KIF26B: variants seen among roughly 807,000 people sequenced by gnomAD.
The protein encoded by KIF26B is kinesin-like protein KIF26B.
In KIF26B, 63 loss-of-function variants were observed where a neutral mutation model predicts 151.2. The observed-to-expected ratio is 0.42, with a 90% CI of 0.34 to 0.51. KIF26B has a LOEUF of 0.51. KIF26B is among the 20% of genes least tolerant of loss of function. KIF26B has a pLI of 0.07. For missense variants in KIF26B, 2,813 were observed against 2,913.6 expected, an observed-to-expected ratio of 0.97 and a Z score of 0.79; for synonymous variants, 1,357 against 1,262.1, an observed-to-expected ratio of 1.08 and a Z score of -1.59.
At chr1:245,522,516 A>T (rs1661150909) in intron 4 of KIF26B, among the ~76,000 whole-genome samples, 1 of 152,234 alleles carries the variant, frequency 6.6e-6, no homozygotes. Flanking sequence ...AATTGCCTCC[A>T]GCACACAAAA....
At chr1:245,391,693 G>A (rs896337568) in intron 3 of KIF26B, among the ~76,000 whole-genome samples, 1 of 149,960 alleles carries the variant, frequency 6.7e-6, no homozygotes, top group African/African-American at 2.4e-5. Context: ...TTGTGAAAAT[G>A]TAAAACAGCA....
In KIF26B at chr1:245,607,729, G is replaced by A. The variant is rs1334249011; in HGVS notation, c.1636G>A (p.Gly546Ser). Reference protein sequence around the residue: ...NGADGCVFCFGHAKLGKSYTM... With the variant: ...NGADGCVFCFSHAKLGKSYTM... ...GGCAGATGGCTGCGTGTTCTGTTTC[G>A]GCCACGCCAAACTGGGTTCGTGAGA... Residue 546 changes from glycine to serine, a missense_variant, in exon 7 of 15, where the codon GGC becomes AGC. By Grantham distance (56) the Gly-to-Ser change is moderately conservative. Transcript: ENST00000407071. 4 of 1,612,094 alleles carry A rather than the reference G, an allele frequency of 2.5e-6. No individual in the cohort carries two copies. The highest frequency in any genetic ancestry group is 1.3e-5 in the African/African-American group (1 of 74,878).
rs559676021 is a variant in KIF26B at position 245,406,211 on chromosome 1, G to A, written c.1000-13368G>A. On this transcript the variant is annotated intron_variant, in intron 3 of 14. Transcript: ENST00000407071. ...TGGGGAAATTGAGGCAAAGAGAGGGGAGATGAGTCGCCCATAGCCTCCCTT... is the reference window on the plus strand; with the variant it reads ...TGGGGAAATTGAGGCAAAGAGAGGGAAGATGAGTCGCCCATAGCCTCCCTT... Among the ~76,000 whole-genome samples, 3 of 152,294 alleles carry A rather than the reference G, an allele frequency of 2.0e-5. No individual in the cohort carries two copies. In the South Asian group the frequency reaches 6.2e-4, roughly 32 times the overall value.
chr1:245,659,468 TG>T (rs578147929), intron 10 of KIF26B, among the ~76,000 whole-genome samples: 97 of 152,302 alleles, frequency 6.4e-4, no homozygotes, highest in Non-Finnish European at 1.1e-3. Context: ...ATATGTTTTG[TG>T]GTATTGTCAC....
intron 3 of KIF26B, among the ~76,000 whole-genome samples, chr1:245,414,748 C>T (rs975524188): frequency 7.2e-5 from 11 of 152,208 alleles, no homozygotes; most frequent in African/African-American, 2.4e-4. Flanking sequence ...GACACACGCT[C>T]TTATTTTAGA....
At position 245,675,447 on chromosome 1, in the gene KIF26B, C is replaced by T. The variant is rs576591357; in HGVS notation, c.2259-8786C>T. Among the ~76,000 whole-genome samples, 3 of 152,264 alleles carry T rather than the reference C, an allele frequency of 2.0e-5. No individual in the cohort carries two copies. In the East Asian group the frequency reaches 5.8e-4, roughly 29 times the overall value. On this transcript the variant is annotated intron_variant, in intron 10 of 14. Transcript: ENST00000407071. ...ATCCTACCCTAAGATCTTATGTGGCCAACCCTCACCATAACAAAGGCACTC... is the reference window on the plus strand; with the variant it reads ...ATCCTACCCTAAGATCTTATGTGGCTAACCCTCACCATAACAAAGGCACTC...
intron 9 of KIF26B, among the ~76,000 whole-genome samples, chr1:245,643,411 ATGTT>A (rs1254513757): frequency 1.3e-5 from 2 of 152,100 alleles, no homozygotes; most frequent in African/African-American, 4.8e-5. Flanking sequence ...TGTAATATAT[ATGTT>A]TAAGTTACCA....
chr1:245,244,317 A>G lies in KIF26B; in HGVS notation c.465+87634A>G, dbSNP rs1670273103. On this transcript the variant is annotated intron_variant, in intron 2 of 14. Transcript: ENST00000407071. This position sits in a 1 kb window ranked among gnomAD's most constrained non-coding sequence, Gnocchi z 4.2. ...GTTCTTCTAAAAGCCCATTTGTTCCATTACTCTGAAAGACAATCCAAGATA... is the reference window on the plus strand; with the variant it reads ...GTTCTTCTAAAAGCCCATTTGTTCCGTTACTCTGAAAGACAATCCAAGATA... Among the ~76,000 whole-genome samples, 1 of 151,942 alleles carries G rather than the reference A, an allele frequency of 6.6e-6. No individual in the cohort carries two copies. The highest frequency in any genetic ancestry group is 1.5e-5 in the Non-Finnish European group (1 of 67,998).
chr1:245,662,117 T>C (rs534845637), intron 10 of KIF26B, among the ~76,000 whole-genome samples: 180 of 145,894 alleles, frequency 1.2e-3, no homozygotes, highest in Non-Finnish European at 1.6e-3. Context: ...TATATATATA[T>C]ACCCAATGAT....
chr1:245,391,237 CA>C (rs1268586154), intron 3 of KIF26B, among the ~76,000 whole-genome samples: 3 of 152,078 alleles, frequency 2.0e-5, no homozygotes, highest in Admixed American at 2.0e-4. Flanking sequence ...GATTTTAGTA[CA>C]ATGTGATACC....
rs1672740199 is a variant in KIF26B at position 245,358,199 on chromosome 1, C to T, written c.466-8635C>T. Reference sequence around the variant, plus strand: ...GGATTACAGGCGTGAGCCACCATACCCTGCCAAAATTTTACCTTTTAAAAA... The same window carrying T: ...GGATTACAGGCGTGAGCCACCATACTCTGCCAAAATTTTACCTTTTAAAAA... On this transcript the variant is annotated intron_variant, in intron 2 of 14. Transcript: ENST00000407071. The surrounding 1 kb of genome is among the most constrained non-coding windows in gnomAD (Gnocchi z 4.1). Among the ~76,000 whole-genome samples the T allele has an allele frequency of 6.6e-6, 1 of 152,162 alleles. No individual in the cohort carries two copies. Among genetic ancestry groups the T allele is most frequent in the South Asian group, 2.1e-4 (1 of 4,832 alleles).
intron 4 of KIF26B, among the ~76,000 whole-genome samples, chr1:245,441,124 C>A (rs1033024727): frequency 6.6e-6 from 1 of 152,276 alleles, no homozygotes; most frequent in East Asian, 1.9e-4. Flanking sequence ...ATTGTGAACT[C>A]CAGCCATCTG....
chr1:245,263,398 G>A (rs1044021846), intron 2 of KIF26B, among the ~76,000 whole-genome samples: 10 of 152,164 alleles, frequency 6.6e-5, no homozygotes, highest in Non-Finnish European at 8.8e-5. Flanking sequence ...TGGCACTTCG[G>A]TGCTTCCCTT....
intron 2 of KIF26B, among the ~76,000 whole-genome samples, chr1:245,177,482 C>T (rs10924111): frequency 0.041 from 6,272 of 152,198 alleles, 471 homozygotes; most frequent in African/African-American, 0.14. Flanking sequence ...GCAGTGCACA[C>T]GGCTCACACT....
At position 245,686,548 on chromosome 1, in the gene KIF26B, G is replaced by A. The variant is rs1460373397; in HGVS notation, c.3565G>A (p.Val1189Met). Reference protein sequence around the residue: ...PLELNGEDELVFTLVEELTIS... With the variant: ...PLELNGEDELMFTLVEELTIS... ...GGAGCTGAACGGTGAGGACGAGCTG[G>A]TGTTCACGCTGGTGGAGGAGCTGAC... is the stretch of plus-strand genomic sequence containing the variant. The change falls in exon 12 of 15, where the codon GTG (valine) becomes ATG (methionine). Residue 1189 changes from valine to methionine, a missense_variant. Physicochemically the swap from Val to Met is conservative, Grantham distance 21. Transcript: ENST00000407071. The surrounding 1 kb of genome is among the most constrained non-coding windows in gnomAD (Gnocchi z 5.6). 3 of 1,613,052 alleles carry A rather than the reference G, an allele frequency of 1.9e-6. No homozygotes were observed. The highest frequency in any genetic ancestry group is 1.3e-5 in the African/African-American group (1 of 74,938).
rs369316765 is a variant in KIF26B, at chr1:245,287,544, C to T, written c.466-79290C>T. 5.0e-4 allele frequency among the ~76,000 whole-genome samples: 72 copies of T among 142,594 alleles called. 1 individual carries two copies. The South Asian group carries it at 0.015, about 30-fold the overall frequency. 93.5% of individuals were successfully genotyped at this position (142,594 alleles called of 152,430 possible). A position where few individuals can be genotyped will look rare whatever the true frequency, so the allele number is the denominator to read the frequency against. On this transcript the variant is annotated intron_variant, in intron 2 of 14. Coordinates refer to ENST00000407071, the MANE Select transcript of KIF26B (RefSeq NM_018012.4). ...CTGTGGCGGAGTTTCGCTCTTGTTG[C>T]CCAGACTGGAGTGCAATGGCACGAT...
chr1:245,353,005 G>A (rs564638549), intron 2 of KIF26B, among the ~76,000 whole-genome samples: 14 of 152,248 alleles, frequency 9.2e-5, no homozygotes, highest in African/African-American at 2.6e-4. Context: ...AGTGGCTATC[G>A]TTTTAAGTTT....
chr1:245,330,196 A>C (rs74153532), intron 2 of KIF26B, among the ~76,000 whole-genome samples: 6,487 of 150,658 alleles, frequency 0.043, 472 homozygotes, highest in African/African-American at 0.15. Flanking sequence ...ACACAGGCCC[A>C]CCTGGGCTGG....
At chr1:245,283,594 A>G (rs1211606515) in intron 2 of KIF26B, among the ~76,000 whole-genome samples, 1 of 152,080 alleles carries the variant, frequency 6.6e-6, no homozygotes, top group African/African-American at 2.4e-5. Flanking sequence ...CTTTTATTGT[A>G]AAACCTGTGT....
Sources: allele counts gnomAD v4.1 joint callset (sites outside exome capture counted in the v4.1 genomes callset), GRCh38; gene constraint gnomAD v4.1.1; non-coding constraint Gnocchi (gnomAD v3.1); transcripts MANE v1.5; gene names NCBI Gene and HGNC (gene_info 2026-07-23, HGNC 2026-07-21).